Variants in GRIN2B observed in about 807,000 individuals in gnomAD.
GRIN2B encodes the protein glutamate ionotropic receptor NMDA type subunit 2B.
A neutral mutation model predicts 114.5 loss-of-function variants in GRIN2B; 5 were observed. The ratio of observed to expected loss-of-function variants is 0.04; its 90% CI spans 0.02 to 0.09. GRIN2B has a LOEUF of 0.09. GRIN2B is among the 10% of genes least tolerant of loss of function. GRIN2B has a pLI of 1.00. For missense variants in GRIN2B, 1,108 were observed against 1,943.5 expected (o/e 0.57, Z 8.08); for synonymous variants, 787 against 745.1 (o/e 1.06, Z -0.92).
At chr12:13,849,221 C>G (rs902511487) in intron 3 of GRIN2B, among the ~76,000 whole-genome samples, 7 of 151,802 alleles carry the variant, frequency 4.6e-5, no homozygotes, top group African/African-American at 1.5e-4. Flanking sequence ...GGCCGCTGCT[C>G]TCTTTCTACC....
chr12:13,640,091 A>G (rs1471285237), intron 5 of GRIN2B, among the ~76,000 whole-genome samples: 1 of 152,112 alleles, frequency 6.6e-6, no homozygotes, highest in Non-Finnish European at 1.5e-5. Flanking sequence ...GTAGACGTAA[A>G]ATGTAGATAC....
intron 3 of GRIN2B, among the ~76,000 whole-genome samples, chr12:13,781,207 A>C (rs1028968523): frequency 4.6e-5 from 7 of 152,320 alleles, no homozygotes; most frequent in Middle Eastern, 3.4e-3. Flanking sequence ...AGAATAATGA[A>C]GGTGTCAGTT....
intron 3 of GRIN2B, among the ~76,000 whole-genome samples, chr12:13,860,485 C>T (rs898763798): frequency 4.6e-5 from 7 of 152,058 alleles, no homozygotes; most frequent in Non-Finnish European, 8.8e-5. Flanking sequence ...TGCGTCACCA[C>T]GCCCAATTTT....
At chr12:13,926,581 TAGA>T (rs1866915104) in intron 2 of GRIN2B, among the ~76,000 whole-genome samples, 1 of 152,158 alleles carries the variant, frequency 6.6e-6, no homozygotes, top group Non-Finnish European at 1.5e-5. Context: ...CCAACAATTA[TAGA>T]AGGAGCAGAG....
intron 3 of GRIN2B, among the ~76,000 whole-genome samples, chr12:13,764,375 C>T (rs146457774): frequency 9.9e-5 from 15 of 152,272 alleles, no homozygotes; most frequent in African/African-American, 3.4e-4. Flanking sequence ...AGGCTGTGAC[C>T]TCTTCCTTCT....
At chr12:13,818,472 T>C (rs1565549294) in intron 3 of GRIN2B, among the ~76,000 whole-genome samples, 1 of 152,232 alleles carries the variant, frequency 6.6e-6, no homozygotes, top group Admixed American at 6.5e-5. Flanking sequence ...AGGGGTGTTA[T>C]TTCAGTCTAA....
In GRIN2B at chr12:13,564,637, A is replaced by G; in HGVS notation, c.2601T>C (p.Gly867=). The G allele has an allele frequency of 6.2e-7, 1 of 1,613,536 alleles. No individual in the cohort carries two copies. The highest frequency in any genetic ancestry group is 2.2e-5 in the East Asian group (1 of 44,870). The part of the protein sequence containing the change: ...KPGMVFSISR[G]IYSCIHGVAI... ...CCACCCCATGGATGCAGCTGTAGAT[A>G]CCCTGAAGCAAGAATGGAGGGACAG... Residue 867 remains glycine (G), a splice_region_variant and synonymous_variant, in exon 14 of 14, where the codon GGT becomes GGC. Transcript: ENST00000609686. The surrounding 1 kb of genome is among the most constrained non-coding windows in gnomAD (Gnocchi z 4.8).
intron 2 of GRIN2B, among the ~76,000 whole-genome samples, chr12:13,867,077 C>T (rs1007526438): frequency 2.6e-5 from 4 of 152,176 alleles, no homozygotes; most frequent in Non-Finnish European, 4.4e-5. Flanking sequence ...ATAAGGAACA[C>T]ATATTACTCC....
chr12:13,609,774 A>G (rs1030568544), intron 9 of GRIN2B, among the ~76,000 whole-genome samples: 4 of 146,910 alleles, frequency 2.7e-5, no homozygotes, highest in Admixed American at 1.4e-4. Context: ...CTCTGTCTCA[A>G]AAAAAAAAAA....
At chr12:13,600,352 GAC>G (rs1565470171) in intron 10 of GRIN2B, among the ~76,000 whole-genome samples, 2 of 152,210 alleles carry the variant, frequency 1.3e-5, no homozygotes. Flanking sequence ...AGGTAAGAAA[GAC>G]AAACTTTCTG....
chr12:13,564,262 A>G lies in GRIN2B; in HGVS notation c.2976T>C (p.His992=). The change falls in exon 14 of 14, where the codon CAT becomes CAC. Residue 992 remains histidine, a synonymous_variant. Coordinates refer to ENST00000609686, the MANE Select transcript of GRIN2B (RefSeq NM_000834.5). This position sits in a 1 kb window ranked among gnomAD's most constrained non-coding sequence, Gnocchi z 4.8. Reference sequence around the variant, plus strand: ...CGATGGAGCTGGCACTGCCAATACTATGGGGCCGGTGGTGATGGTGGTAGT... The same window carrying G: ...CGATGGAGCTGGCACTGCCAATACTGTGGGGCCGGTGGTGATGGTGGTAGT... The part of the protein sequence containing the change: ...QDHYHHHHRP[H]SIGSASSIDG... The G allele has an allele frequency of 1.2e-6, 2 of 1,614,064 alleles. No individual in the cohort carries two copies. The highest frequency in any genetic ancestry group is 8.5e-7 in the Non-Finnish European group (1 of 1,179,998).
At chr12:13,770,043 C>T (rs1337759850) in intron 3 of GRIN2B, among the ~76,000 whole-genome samples, 4 of 152,214 alleles carry the variant, frequency 2.6e-5, no homozygotes, top group African/African-American at 9.7e-5. Context: ...TCACTACATC[C>T]AGTTCTCTGC....
intron 3 of GRIN2B, among the ~76,000 whole-genome samples, chr12:13,806,536 CT>C (rs1374016817): frequency 2.0e-5 from 3 of 152,026 alleles, no homozygotes; most frequent in Non-Finnish European, 4.4e-5. Flanking sequence ...TGAGAAATGT[CT>C]TTTTGGGTCT....
chr12:13,619,821 C>T (rs1475244753), intron 5 of GRIN2B, among the ~76,000 whole-genome samples: 9 of 152,182 alleles, frequency 5.9e-5, no homozygotes, highest in Admixed American at 1.3e-4. Flanking sequence ...CAAGCTCCCA[C>T]GGTAAGTGAC....
intron 2 of GRIN2B, among the ~76,000 whole-genome samples, chr12:13,873,579 T>C (rs1485315532): frequency 2.6e-5 from 4 of 152,200 alleles, no homozygotes; most frequent in Admixed American, 6.5e-5. Flanking sequence ...ATTACCATCA[T>C]CCGTTACTCT....
At chr12:13,913,172 T>C (rs1049023452) in intron 2 of GRIN2B, among the ~76,000 whole-genome samples, 1 of 152,218 alleles carries the variant, frequency 6.6e-6, no homozygotes, top group African/African-American at 2.4e-5. Context: ...TCTTTAGTAC[T>C]GTTGGAGCCA....
At chr12:13,903,169 A>G (rs998270018) in intron 2 of GRIN2B, among the ~76,000 whole-genome samples, 1 of 152,152 alleles carries the variant, frequency 6.6e-6, no homozygotes, top group Non-Finnish European at 1.5e-5. Context: ...TTGTAAATGT[A>G]TAAGTTTAAA....
At chr12:13,966,321 C>T (rs924367977) in intron 2 of GRIN2B, among the ~76,000 whole-genome samples, 1 of 152,206 alleles carries the variant, frequency 6.6e-6, no homozygotes, top group Admixed American at 6.5e-5. Context: ...TTTGGTTTGT[C>T]TTTGCCTCCG....
intron 3 of GRIN2B, among the ~76,000 whole-genome samples, chr12:13,794,207 CAAAA>C (rs3082833): frequency 0.034 from 3,514 of 102,974 alleles, 57 homozygotes; most frequent in South Asian, 0.073. Flanking sequence ...GACTCTGTCT[CAAAA>C]AAAAAAAAAA....
Sources: allele counts gnomAD v4.1 joint callset (sites outside exome capture counted in the v4.1 genomes callset), GRCh38; gene constraint gnomAD v4.1.1; non-coding constraint Gnocchi (gnomAD v3.1); transcripts MANE v1.5; gene names NCBI Gene and HGNC (gene_info 2026-07-23, HGNC 2026-07-21).